Variants in PARD3B observed in about 807,000 individuals in gnomAD.
PARD3B encodes partitioning defective 3 homolog B.
A neutral mutation model predicts 130.2 loss-of-function variants in PARD3B; 103 were observed. That is an observed-to-expected ratio of 0.79 (90% CI 0.67 to 0.93). The LOEUF (loss-of-function observed/expected upper bound fraction) is 0.93, where lower values mean the gene tolerates loss of function less well. Among genes scored for constraint, PARD3B ranks in the 40% least tolerant of loss-of-function variants. PARD3B has a pLI of 0.00. For synonymous variants in PARD3B, 583 were observed against 553.2 expected, an observed-to-expected ratio of 1.05 and a Z score of -0.76; for missense variants, 1,609 against 1,499.2, an observed-to-expected ratio of 1.07 and a Z score of -1.21.
At chr2:205,290,090 C>T (rs939738482) in intron 16 of PARD3B, among the ~76,000 whole-genome samples, 2 of 152,114 alleles carry the variant, frequency 1.3e-5, no homozygotes, top group Non-Finnish European at 2.9e-5. Context: ...GAGTGAATGC[C>T]AGAGATGCAA....
chr2:204,867,506 T>C (rs2045473020), intron 2 of PARD3B, among the ~76,000 whole-genome samples: 1 of 152,232 alleles, frequency 6.6e-6, no homozygotes, highest in Admixed American at 6.5e-5. Context: ...CATTACAACA[T>C]GCTTAATGGG....
rs1418061363 is a variant in PARD3B, at chr2:205,548,945, G to A, written c.3181-4379G>A. On this transcript the variant is annotated intron_variant, in intron 21 of 22. Transcript: ENST00000406610. The stretch of plus-strand genomic sequence containing the variant: ...AAGAAAACAACCTAAATAAAAAAAT[G>A]GGCCAAAGACCTCAATGGATCCCTC... Among the ~76,000 whole-genome samples, 3 of 152,016 alleles carry A rather than the reference G, an allele frequency of 2.0e-5. 1 individual carries two copies. The highest frequency in any genetic ancestry group is 7.2e-5 in the African/African-American group (3 of 41,400).
chr2:204,617,214 A>G (rs570137037), intron 1 of PARD3B, among the ~76,000 whole-genome samples: 2 of 152,200 alleles, frequency 1.3e-5, no homozygotes, highest in East Asian at 3.9e-4. Context: ...AAATGGTACA[A>G]CCTCAAGCCT....
intron 8 of PARD3B, among the ~76,000 whole-genome samples, chr2:205,123,923 A>G (rs1245435990): frequency 6.6e-6 from 1 of 152,170 alleles, no homozygotes; most frequent in African/African-American, 2.4e-5. Flanking sequence ...TTGAGACACA[A>G]GTAGAGGGCT....
intron 1 of PARD3B, among the ~76,000 whole-genome samples, chr2:204,569,480 C>T (rs968381612): frequency 2.0e-5 from 3 of 152,130 alleles, no homozygotes; most frequent in Non-Finnish European, 4.4e-5. Flanking sequence ...TGACAGATAT[C>T]CATGTGGCTA....
intron 18 of PARD3B, among the ~76,000 whole-genome samples, chr2:205,398,306 A>AT: frequency 7.3e-6 from 1 of 136,350 alleles, no homozygotes. Flanking sequence ...CGTCTCAACA[A>AT]AAAAAGAAAG....
At chr2:205,441,118 G>A (rs1320217429) in intron 20 of PARD3B, among the ~76,000 whole-genome samples, 1 of 152,188 alleles carries the variant, frequency 6.6e-6, no homozygotes, top group Non-Finnish European at 1.5e-5. Flanking sequence ...AGGAGCAGGG[G>A]CCTTTGAAAA....
intron 20 of PARD3B, among the ~76,000 whole-genome samples, chr2:205,483,629 T>C (rs1025021645): frequency 6.6e-6 from 1 of 152,170 alleles, no homozygotes; most frequent in African/African-American, 2.4e-5. Flanking sequence ...ATTCCCTAGA[T>C]ATTTTGGACA....
intron 2 of PARD3B, among the ~76,000 whole-genome samples, chr2:204,719,186 C>T (rs928916962): frequency 5.9e-5 from 9 of 152,228 alleles, no homozygotes; most frequent in East Asian, 1.9e-4. Context: ...CAAAACTTTT[C>T]GAAAGCACAT....
chr2:204,620,417 G>A (rs1490422811), intron 1 of PARD3B, among the ~76,000 whole-genome samples: 2 of 152,152 alleles, frequency 1.3e-5, no homozygotes, highest in East Asian at 3.9e-4. Flanking sequence ...AAAGGCTACA[G>A]CCCAGAAGTG....
In PARD3B at chr2:205,119,060, C is replaced by T. The variant is rs1559456942; in HGVS notation, c.806+14C>T. 4 of 1,593,638 alleles carry T rather than the reference C, an allele frequency of 2.5e-6. No homozygotes were observed. Among genetic ancestry groups the T allele is most frequent in the Non-Finnish European group, 3.4e-6 (4 of 1,172,216 alleles). ...AACCTTTGCTCAGTAAGCATTTTTTCATTGTTTTATTTACTTTCTTGATCC... is the reference window on the plus strand; with the variant it reads ...AACCTTTGCTCAGTAAGCATTTTTTTATTGTTTTATTTACTTTCTTGATCC... On this transcript the variant is annotated intron_variant, in intron 7 of 22. Transcript: ENST00000406610.
chr2:205,160,328 G>T lies in PARD3B; in HGVS notation c.1620+1421G>T, dbSNP rs1288408670. 6.6e-6 allele frequency among the ~76,000 whole-genome samples: 1 copy of T among 152,226 alleles called. No individual in the cohort carries two copies. The highest frequency in any genetic ancestry group is 6.5e-5 in the Admixed American group (1 of 15,270). On this transcript the variant is annotated intron_variant, in intron 11 of 22. Coordinates refer to ENST00000406610, the MANE Select transcript of PARD3B (RefSeq NM_001302769.2). This position sits in a 1 kb window ranked among gnomAD's most constrained non-coding sequence, Gnocchi z 4.0. ...CTCTTGATCCCACTGTAACTCTGCA[G>T]ATCTGAGTGTGCTGCACTTCTTTCT...
rs1191793926 is a variant in PARD3B, at chr2:205,274,138, A to G, written c.2186-26392A>G. Among the ~76,000 whole-genome samples the G allele has an allele frequency of 6.6e-6, 1 of 152,168 alleles. No individual in the cohort carries two copies. The highest frequency in any genetic ancestry group is 1.5e-5 in the Non-Finnish European group (1 of 68,036). On this transcript the variant is annotated intron_variant, in intron 16 of 22. Transcript: ENST00000406610. This position sits in a 1 kb window ranked among gnomAD's most constrained non-coding sequence, Gnocchi z 4.2. The stretch of plus-strand genomic sequence containing the variant: ...GTCTATTTTATTTTCCCTCATATGT[A>G]TATATATCTTTATCTTAGATAAATT...
At position 205,405,528 on chromosome 2, in the gene PARD3B, G is replaced by C. The variant is rs1016347546; in HGVS notation, c.2741+4405G>C. Among the ~76,000 whole-genome samples, 4 of 152,142 alleles carry C rather than the reference G, an allele frequency of 2.6e-5. No homozygotes were observed. The highest frequency in any genetic ancestry group is 5.9e-5 in the Non-Finnish European group (4 of 68,026). On this transcript the variant is annotated intron_variant, in intron 19 of 22. Transcript: ENST00000406610. The surrounding 1 kb of genome is among the most constrained non-coding windows in gnomAD (Gnocchi z 4.1). ...ATCTAGATCAGATGATATAACCCTA[G>C]AAGGATTATTAGCTATTTGAGAATG...
At chr2:204,692,301 A>C (rs2037390876) in intron 2 of PARD3B, among the ~76,000 whole-genome samples, 1 of 152,110 alleles carries the variant, frequency 6.6e-6, no homozygotes, top group Admixed American at 6.6e-5. Flanking sequence ...GTAAGGGCTA[A>C]AGGAAATTCC....
At chr2:204,600,851 A>T (rs1487437071) in intron 1 of PARD3B, among the ~76,000 whole-genome samples, 1 of 151,998 alleles carries the variant, frequency 6.6e-6, no homozygotes, top group South Asian at 2.1e-4. Flanking sequence ...TATATACATA[A>T]TATTAAATGA....
chr2:205,440,164 A>G lies in PARD3B; in HGVS notation c.2742-206A>G, dbSNP rs1011706002. Among the ~76,000 whole-genome samples, 1 of 152,202 alleles carries G rather than the reference A, an allele frequency of 6.6e-6. No homozygotes were observed. The highest frequency in any genetic ancestry group is 1.5e-5 in the Non-Finnish European group (1 of 68,038). On this transcript the variant is annotated intron_variant, in intron 19 of 22. Coordinates refer to ENST00000406610, the MANE Select transcript of PARD3B (RefSeq NM_001302769.2). This position sits in a 1 kb window ranked among gnomAD's most constrained non-coding sequence, Gnocchi z 4.2. Reference sequence around the variant, plus strand: ...CAAAATACCCATAGCATTGCTATCAAAGTAAAGACCCTGTAACAAATAAAG... The same window carrying G: ...CAAAATACCCATAGCATTGCTATCAGAGTAAAGACCCTGTAACAAATAAAG...
At chr2:205,166,449 G>A (rs1449115073) in intron 11 of PARD3B, among the ~76,000 whole-genome samples, 1 of 152,154 alleles carries the variant, frequency 6.6e-6, no homozygotes, top group African/African-American at 2.4e-5. Flanking sequence ...GTTGTGCCTG[G>A]AAAATAGAGG....
At chr2:205,275,179 G>A (rs113612138) in intron 16 of PARD3B, among the ~76,000 whole-genome samples, 166 of 151,000 alleles carry the variant, frequency 1.1e-3, no homozygotes, top group African/African-American at 3.9e-3. Context: ...TCGGTGCCCT[G>A]TTGAACGGGA....
Sources: gnomAD v4.1 joint callset for allele counts (sites outside exome capture counted in the v4.1 genomes callset) on GRCh38, gnomAD v4.1.1 for gene constraint, Gnocchi (gnomAD v3.1) non-coding constraint, MANE v1.5 for transcripts, NCBI Gene and HGNC (gene_info 2026-07-23, HGNC 2026-07-21) for gene names.